Variants in AFF2 observed in about 807,000 individuals in gnomAD.
AFF2 encodes the protein ALF transcription elongation factor 2.
In AFF2, 14 loss-of-function variants were observed where a neutral mutation model predicts 76.9. The observed-to-expected ratio is 0.18, with a 90% CI of 0.12 to 0.28. The LOEUF (loss-of-function observed/expected upper bound fraction) is 0.28. Ranked by LOEUF, AFF2 falls within the 10% of genes least tolerant of loss-of-function variation. The pLI, the probability that AFF2 is intolerant of heterozygous loss-of-function variation, is 1.00. For missense variants in AFF2, 868 were observed against 1,001.1 expected, an observed-to-expected ratio of 0.87 and a Z score of 1.79; for synonymous variants, 398 against 366.7, an observed-to-expected ratio of 1.09 and a Z score of -0.98.
Position 148,935,173 on chromosome X carries a change from T to C in AFF2, c.1398-18407T>C, listed in dbSNP as rs186634038. ...TATCATTATTTTACATATATATATA[T>C]ACACACACACACACATAATGGTGAC... On this transcript the variant is annotated intron_variant, in intron 9 of 20. Coordinates refer to ENST00000370460, the MANE Select transcript of AFF2 (RefSeq NM_002025.4). 1.8e-4 allele frequency among the ~76,000 whole-genome samples: 20 copies of C among 108,454 alleles called. No homozygotes were observed. In the East Asian group the frequency reaches 2.0e-3, roughly 11 times the overall value. The allele number at this position is 108,454 out of a possible 115,157, so 94.2% of individuals were successfully genotyped here. A position where few individuals can be genotyped will look rare whatever the true frequency, so the allele number is the denominator to read the frequency against.
chrX:148,879,738 A>T (rs1176513661), intron 7 of AFF2, among the ~76,000 whole-genome samples: 1 of 104,142 alleles, frequency 9.6e-6, no homozygotes, highest in Non-Finnish European at 2.0e-5. Context: ...GTGTCGTGAA[A>T]TATTATTCTT....
chrX:148,507,155 C>T (rs1421358376), intron 1 of AFF2, among the ~76,000 whole-genome samples: 1 of 112,186 alleles, frequency 8.9e-6, no homozygotes. Context: ...TTACTAAATC[C>T]TAGTGATAAT....
At chrX:148,647,558 TC>T (rs2054156328) in intron 1 of AFF2, among the ~76,000 whole-genome samples, 1 of 111,402 alleles carries the variant, frequency 9.0e-6, no homozygotes, top group African/African-American at 3.3e-5. Context: ...TATACTCGAA[TC>T]TAAATTAAAT....
At chrX:148,692,912 G>A (rs1182946173) in intron 3 of AFF2, among the ~76,000 whole-genome samples, 1 of 110,575 alleles carries the variant, frequency 9.0e-6, no homozygotes, top group Admixed American at 9.6e-5. Context: ...AAGGTGCCAG[G>A]GTTTTTGTTT....
intron 8 of AFF2, among the ~76,000 whole-genome samples, chrX:148,896,632 T>C (rs1186318261): frequency 9.0e-6 from 1 of 111,372 alleles, no homozygotes; most frequent in Non-Finnish European, 1.9e-5. Context: ...TCCACATTTT[T>C]TTTCTGATAA....
At chrX:148,917,821 T>G (rs2071549109) in intron 9 of AFF2, among the ~76,000 whole-genome samples, 1 of 112,440 alleles carries the variant, frequency 8.9e-6, no homozygotes, top group Non-Finnish European at 1.9e-5. Context: ...TTAAATCCCT[T>G]GGTCACATCT....
At position 148,500,676 on chromosome X, in the gene AFF2, C is replaced by CGCCGCT. The variant is rs2052332234; in HGVS notation, c.-417_-416insTGCCGC. The CGCCGCT allele has an allele frequency of 1.0e-5, 1 of 96,447 alleles. No individual in the cohort carries two copies. The highest frequency in any genetic ancestry group is 2.1e-5 in the Non-Finnish European group (1 of 47,271). The allele number at this position is 96,447 out of a possible 1,213,427, so 7.9% of individuals were successfully genotyped here. A position where few individuals can be genotyped will look rare whatever the true frequency, so the allele number is the denominator to read the frequency against. ...CCGCCGCCGCCGCCGCCGCCGCCGC[C>CGCCGCT]GCCGCCGCTGCCGCCCCGGCTGCCG... On this transcript the variant is annotated 5_prime_UTR_variant, in exon 1 of 21. Transcript: ENST00000370460.
chrX:148,745,216 G>A (rs782409385), intron 3 of AFF2, among the ~76,000 whole-genome samples: 1 of 111,623 alleles, frequency 9.0e-6, no homozygotes, highest in South Asian at 3.8e-4. Flanking sequence ...TCCTCAATGT[G>A]GTTTCATCTC....
intron 3 of AFF2, among the ~76,000 whole-genome samples, chrX:148,728,265 T>C (rs1345593226): frequency 8.9e-6 from 1 of 112,513 alleles, no homozygotes; most frequent in Non-Finnish European, 1.9e-5. Context: ...TCTACTGAAC[T>C]CATTTTCATT....
chrX:148,531,575 A>C (rs2052730542), intron 1 of AFF2, among the ~76,000 whole-genome samples: 1 of 112,413 alleles, frequency 8.9e-6, no homozygotes, highest in South Asian at 3.7e-4. Flanking sequence ...TCATCTGTGT[A>C]ATGGGGTTGT....
At chrX:148,985,318 T>TTTTTTTTC (rs2072456929) in intron 19 of AFF2, among the ~76,000 whole-genome samples, 1 of 84,133 alleles carries the variant, frequency 1.2e-5, no homozygotes, top group Non-Finnish European at 2.3e-5. Flanking sequence ...TTTTTTTTTT[T>TTTTTTTTC]TATGATACAG....
rs368077947 is a variant in AFF2 at position 148,700,419 on chromosome X, AGTGTGTGTGTGTGTGT to A, written c.1041+37679_1041+37694del. On this transcript the variant is annotated intron_variant, in intron 3 of 20. Coordinates refer to ENST00000370460, the MANE Select transcript of AFF2 (RefSeq NM_002025.4). ...ATCCAAAGGAAGGGAGTACTGTTGA[AGTGTGTGTGTGTGTGT>A]GTGTGTGTGTGTGTGTGTGTGTGTG... 2.2e-4 allele frequency among the ~76,000 whole-genome samples: 18 copies of A among 82,497 alleles called. No homozygotes were observed. The East Asian group carries it at 6.0e-3, about 28-fold the overall frequency. 71.6% of individuals were successfully genotyped at this position (82,497 alleles called of 115,157 possible).
chrX:148,826,055 A>G (rs1191432112), intron 4 of AFF2, among the ~76,000 whole-genome samples: 1 of 110,014 alleles, frequency 9.1e-6, no homozygotes, highest in Admixed American at 9.7e-5. Flanking sequence ...AGGGTTTGAC[A>G]TTGTTCCCTT....
At chrX:148,893,005 C>T (rs1215201408) in intron 8 of AFF2, among the ~76,000 whole-genome samples, 2 of 111,949 alleles carry the variant, frequency 1.8e-5, no homozygotes, top group African/African-American at 6.5e-5. Flanking sequence ...TTGATAGAGT[C>T]TTTTAATGTA....
chrX:148,809,220 T>C (rs1357435993), intron 3 of AFF2, among the ~76,000 whole-genome samples: 2 of 112,242 alleles, frequency 1.8e-5, no homozygotes, highest in African/African-American at 6.5e-5. Flanking sequence ...GTTATCTCGC[T>C]TCTTGCTTTC....
At chrX:148,529,498 A>G (rs2052704419) in intron 1 of AFF2, among the ~76,000 whole-genome samples, 2 of 112,450 alleles carry the variant, frequency 1.8e-5, no homozygotes, top group Admixed American at 1.9e-4. Flanking sequence ...TCTGTTGTCA[A>G]CCTAGTCATT....
At chrX:148,631,779 T>C (rs2053983531) in intron 1 of AFF2, among the ~76,000 whole-genome samples, 1 of 112,120 alleles carries the variant, frequency 8.9e-6, no homozygotes, top group Admixed American at 9.5e-5. Context: ...AAGTGGGAGA[T>C]AGCCTCAGAA....
chrX:148,980,624 C>T (rs1161898421), intron 18 of AFF2, 114 bp from the exon 19 acceptor site: 16 of 543,319 alleles, frequency 2.9e-5, no homozygotes, highest in Admixed American at 5.4e-5. Context: ...CTCTGCATCC[C>T]GAAATGCTGC....
chrX:148,676,268 G>C (rs1406238942), intron 3 of AFF2, among the ~76,000 whole-genome samples: 3 of 108,896 alleles, frequency 2.8e-5, no homozygotes, highest in African/African-American at 1.0e-4. Context: ...CCATGGTCTC[G>C]ATCTCCTGAC....
Sources: gnomAD v4.1 joint callset for allele counts (sites outside exome capture counted in the v4.1 genomes callset) on GRCh38, gnomAD v4.1.1 for gene constraint, MANE v1.5 for transcripts, NCBI Gene and HGNC (gene_info 2026-07-23, HGNC 2026-07-21) for gene names.